DNAH5: variants seen among roughly 807,000 people sequenced by gnomAD.
The protein encoded by DNAH5 is dynein axonemal heavy chain 5.
DNAH5 carries 372 observed loss-of-function variants against 518.2 expected under a neutral mutation model. That is an observed-to-expected ratio of 0.72 (90% CI 0.66 to 0.78). The LOEUF (loss-of-function observed/expected upper bound fraction) is 0.78, where lower values mean the gene tolerates loss of function less well. DNAH5 is among the 30% of genes least tolerant of loss of function. The probability of loss-of-function intolerance (pLI) is 0.00; values close to 1 mark genes in which losing one functional copy is unlikely to be tolerated. For missense variants in DNAH5, 5,523 were observed against 5,687.0 expected (o/e 0.97, Z 0.93); for synonymous variants, 2,039 against 2,025.9 (o/e 1.01, Z -0.17).
chr5:13,807,938 A>G (rs538241536), intron 46 of DNAH5, among the ~76,000 whole-genome samples: 17 of 152,090 alleles, frequency 1.1e-4, no homozygotes, highest in African/African-American at 2.4e-4. Flanking sequence ...TATAAGAAGA[A>G]GAAATTTGTG....
intron 3 of DNAH5, 27 bp downstream of exon 3, chr5:13,928,067 G>A (rs764480113): frequency 2.6e-6 from 4 of 1,559,974 alleles, no homozygotes; most frequent in South Asian, 2.2e-5. Context: ...ACACATTTCT[G>A]GGTTATGTCA....
At chr5:13,775,593 C>T (rs1753973888) in intron 55 of DNAH5, among the ~76,000 whole-genome samples, 1 of 152,126 alleles carries the variant, frequency 6.6e-6, no homozygotes, top group Admixed American at 6.6e-5. Flanking sequence ...CTAACTTTTT[C>T]CACCTATGGC....
chr5:13,747,778 T>G (rs1749612208), intron 65 of DNAH5, among the ~76,000 whole-genome samples: 1 of 152,244 alleles, frequency 6.6e-6, no homozygotes, highest in Non-Finnish European at 1.5e-5. Context: ...AGATTCTGGA[T>G]ATTAGCCCTT....
At position 13,700,778 on chromosome 5, in the gene DNAH5, G is replaced by C. The variant is rs1467191774; in HGVS notation, c.13585C>G (p.Pro4529Ala). ...CCATAGACATAGACACCCTCTGTGG[G>C]AGGGGCAGAAATGTCGTCCTTCATC... is the stretch of plus-strand genomic sequence containing the variant. ...KWMKDDISAPPTEGVYVYGLY... is the reference protein window; with the variant it reads ...KWMKDDISAPATEGVYVYGLY... Residue 4529 changes from proline (P) to alanine (A), a missense_variant, in exon 78 of 79, where the codon CCC becomes GCC. Around this residue, in one of 3 missense-constraint regions of DNAH5, gnomAD observed 387 missense variants for 430.0 expected, o/e 0.90. Transcript: ENST00000265104. 1 of 1,614,134 alleles carries C rather than the reference G, an allele frequency of 6.2e-7. No individual in the cohort carries two copies. The highest frequency in any genetic ancestry group is 1.1e-5 in the South Asian group (1 of 91,082).
intron 5 of DNAH5, among the ~76,000 whole-genome samples, chr5:13,921,475 TCACACACACA>T (rs138046391): frequency 0.046 from 3,376 of 73,752 alleles, 99 homozygotes; most frequent in Middle Eastern, 0.068. Flanking sequence ...TATCTCTCTC[TCACACACACA>T]CACACACACA....
At chr5:13,906,610 C>T (rs1775332883) in intron 12 of DNAH5, among the ~76,000 whole-genome samples, 1 of 151,978 alleles carries the variant, frequency 6.6e-6, no homozygotes, top group Non-Finnish European at 1.5e-5. Flanking sequence ...CAGTAAATAC[C>T]AAAATACTGA....
Position 13,836,024 on chromosome 5 carries a change from G to C in DNAH5, c.5882+3332C>G, listed in dbSNP as rs116778657. Among the ~76,000 whole-genome samples, 1,140 of 152,206 alleles carry C rather than the reference G, an allele frequency of 7.5e-3. 12 individuals carry two copies. Among genetic ancestry groups the C allele is most frequent in the African/African-American group, 0.026 (1,090 of 41,512 alleles). ...GGTGAGAGAGAAGGAAGGGCTTCAGGGTTACTCCAGGGAGTGTTGGATTGC... is the reference window on the plus strand; with the variant it reads ...GGTGAGAGAGAAGGAAGGGCTTCAGCGTTACTCCAGGGAGTGTTGGATTGC... On this transcript the variant is annotated intron_variant, in intron 35 of 78. Coordinates refer to ENST00000265104, the MANE Select transcript of DNAH5 (RefSeq NM_001369.3).
At chr5:13,950,106 T>C (rs568237104) in intron 1 of DNAH5, among the ~76,000 whole-genome samples, 11 of 152,344 alleles carry the variant, frequency 7.2e-5, no homozygotes, top group African/African-American at 2.2e-4. Flanking sequence ...TACTATCTTA[T>C]AACATGGTAC....
intron 38 of DNAH5, among the ~76,000 whole-genome samples, chr5:13,824,676 C>A (rs1762665858): frequency 6.6e-6 from 1 of 152,128 alleles, no homozygotes; most frequent in South Asian, 2.1e-4. Context: ...TTGCTCATAT[C>A]TCTACAGTTA....
intron 1 of DNAH5, among the ~76,000 whole-genome samples, chr5:13,957,755 A>G (rs2152042757): frequency 6.6e-6 from 1 of 151,826 alleles, no homozygotes; most frequent in East Asian, 1.9e-4. Flanking sequence ...TTTAAAATGT[A>G]ACATCATCTT....
At chr5:13,952,520 G>T (rs1225409167) in intron 1 of DNAH5, among the ~76,000 whole-genome samples, 6 of 152,138 alleles carry the variant, frequency 3.9e-5, no homozygotes, top group Admixed American at 3.9e-4. Context: ...TGTTTTTGAT[G>T]ACTCCCAACC....
intron 35 of DNAH5, among the ~76,000 whole-genome samples, chr5:13,834,289 A>T (rs1220323221): frequency 6.6e-6 from 1 of 152,218 alleles, no homozygotes; most frequent in African/African-American, 2.4e-5. Flanking sequence ...TGCAGAAAAG[A>T]CTGTAAACTA....
chr5:13,782,920 C>A (rs951337644), intron 52 of DNAH5, among the ~76,000 whole-genome samples: 1 of 152,168 alleles, frequency 6.6e-6, no homozygotes, highest in Admixed American at 6.5e-5. Flanking sequence ...ATTTCATCAG[C>A]AAGTACTCAA....
chr5:13,953,495 A>C (rs1780566945), intron 1 of DNAH5, among the ~76,000 whole-genome samples: 1 of 152,178 alleles, frequency 6.6e-6, no homozygotes, highest in Non-Finnish European at 1.5e-5. Context: ...ATAAATCAAC[A>C]GTCATTGATT....
chr5:13,727,689 G>GCCACC, intron 69 of DNAH5, 33 bp from the exon 70 acceptor site: 1 of 1,612,976 alleles, frequency 6.2e-7, no homozygotes, highest in Non-Finnish European at 8.5e-7. Flanking sequence ...ACTGTGTCAT[G>GCCACC]CCACCCAACA....
At chr5:13,732,714 C>T (rs1228316488) in intron 68 of DNAH5, among the ~76,000 whole-genome samples, 2 of 152,130 alleles carry the variant, frequency 1.3e-5, no homozygotes, top group African/African-American at 4.8e-5. Context: ...GACTCTGCCC[C>T]TATGACCTAA....
chr5:13,779,714 T>C (rs1310736311), intron 53 of DNAH5, among the ~76,000 whole-genome samples: 1 of 152,142 alleles, frequency 6.6e-6, no homozygotes, highest in African/African-American at 2.4e-5. Flanking sequence ...CCCCTGGGGT[T>C]CCTTGTCTTG....
chr5:13,875,422 G>T (rs2151927042), intron 22 of DNAH5, among the ~76,000 whole-genome samples: 1 of 134,238 alleles, frequency 7.4e-6, no homozygotes, highest in South Asian at 2.4e-4. Flanking sequence ...AGCCAAGATT[G>T]CACCATTGCA....
At chr5:13,916,492 C>G in intron 8 of DNAH5, 37 bp from the exon 9 acceptor site, 1 of 1,140,516 alleles carries the variant, frequency 8.8e-7, no homozygotes, top group Non-Finnish European at 1.3e-6. Context: ...AAAAAATCAT[C>G]AAATTCAGCA....
Sources: gnomAD v4.1 joint callset for allele counts (sites outside exome capture counted in the v4.1 genomes callset) on GRCh38, gnomAD v4.1.1 for gene constraint, gnomAD v4.1.1 regional missense constraint, MANE v1.5 for transcripts, NCBI Gene and HGNC (gene_info 2026-07-23, HGNC 2026-07-21) for gene names.